VWA8: variants seen among roughly 807,000 people sequenced by gnomAD.
VWA8 encodes von Willebrand factor A domain containing 8.
A neutral mutation model predicts 241.5 loss-of-function variants in VWA8; 221 were observed. The ratio of observed to expected loss-of-function variants is 0.91; its 90% confidence interval spans 0.82 to 1.02. The LOEUF is 1.02. Among genes scored for constraint, VWA8 ranks in the 50% least tolerant of loss-of-function variants. VWA8 has a pLI of 0.00. For synonymous variants in VWA8, 852 were observed against 827.1 expected (o/e 1.03, Z -0.52); for missense variants, 2,322 against 2,328.7 (o/e 1.00, Z 0.06).
At chr13:41,782,471 A>G (rs1868933139) in intron 19 of VWA8, among the ~76,000 whole-genome samples, 1 of 152,178 alleles carries the variant, frequency 6.6e-6, no homozygotes, top group Non-Finnish European at 1.5e-5. Flanking sequence ...TGCCTTTGAC[A>G]GGCAAGTTTT....
In VWA8 at chr13:41,784,713, T is replaced by TATATATATATATAC. The variant is rs1555335075; in HGVS notation, c.2171-813_2171-812insGTATATATATATAT. Among the ~76,000 whole-genome samples, 96 of 70,716 alleles carry TATATATATATATAC rather than the reference T, an allele frequency of 1.4e-3. 1 individual carries two copies. Among genetic ancestry groups the TATATATATATATAC allele is most frequent in the African/African-American group, 4.0e-3 (95 of 23,474 alleles). The allele number at this position is 70,716 out of a possible 152,430, so 46.4% of individuals were successfully genotyped here. On this transcript the variant is annotated intron_variant, in intron 18 of 44. Coordinates refer to ENST00000379310, the MANE Select transcript of VWA8 (RefSeq NM_015058.2). ...ATACATATACATATATATATATATA[T>TATATATATATATAC]ATATATATATATATATACACACACA...
At chr13:41,946,271 T>C (rs1877846272) in intron 2 of VWA8, among the ~76,000 whole-genome samples, 1 of 151,590 alleles carries the variant, frequency 6.6e-6, no homozygotes, top group South Asian at 2.1e-4. Flanking sequence ...AGATACTTAC[T>C]AAAGGGCATC....
chr13:41,710,113 T>C, intron 26 of VWA8, among the ~76,000 whole-genome samples: 1 of 152,208 alleles, frequency 6.6e-6, no homozygotes, highest in Middle Eastern at 3.2e-3. Context: ...ACTGCCAACA[T>C]TTTGACCTAC....
At chr13:41,839,514 T>A (rs1046668858) in intron 12 of VWA8, among the ~76,000 whole-genome samples, 1 of 152,242 alleles carries the variant, frequency 6.6e-6, no homozygotes, top group Non-Finnish European at 1.5e-5. Flanking sequence ...TTTGTCAATT[T>A]TGGCTTTTGT....
chr13:41,729,344 C>T (rs1223862650), intron 23 of VWA8, among the ~76,000 whole-genome samples, 198 bp downstream of exon 23: 5 of 151,908 alleles, frequency 3.3e-5, no homozygotes, highest in Non-Finnish European at 7.4e-5. Context: ...TTCAAAGATG[C>T]TTGGTGGGTA....
chr13:41,864,318 A>G (rs141389503), intron 12 of VWA8, among the ~76,000 whole-genome samples: 40 of 152,324 alleles, frequency 2.6e-4, no homozygotes, highest in African/African-American at 8.7e-4. Context: ...TCCTAGGTAT[A>G]TACCTTAAAA....
At chr13:41,808,372 C>G (rs1481034031) in intron 17 of VWA8, among the ~76,000 whole-genome samples, 2 of 152,090 alleles carry the variant, frequency 1.3e-5, no homozygotes, top group Non-Finnish European at 2.9e-5. Flanking sequence ...ATTTTCTTGT[C>G]TTATGGGGAG....
chr13:41,918,594 T>G (rs887407702), intron 2 of VWA8, among the ~76,000 whole-genome samples: 1 of 152,186 alleles, frequency 6.6e-6, no homozygotes, highest in Non-Finnish European at 1.5e-5. Context: ...TATATTGTTT[T>G]GATTTCTGAA....
At chr13:41,623,312 T>C (rs2044669246) in intron 37 of VWA8, among the ~76,000 whole-genome samples, 1 of 152,222 alleles carries the variant, frequency 6.6e-6, no homozygotes, top group Non-Finnish European at 1.5e-5. Context: ...GAAGAGTCTA[T>C]GCCCCAATGA....
intron 39 of VWA8, 142 bp from the exon 40 acceptor site, chr13:41,605,418 C>A: frequency 1.4e-6 from 1 of 734,050 alleles, no homozygotes; most frequent in South Asian, 1.6e-5. Flanking sequence ...GAAGTGATGT[C>A]TCCAGCTGTG....
intron 43 of VWA8, among the ~76,000 whole-genome samples, 185 bp from the exon 44 acceptor site, chr13:41,570,891 T>C (rs1253834238): frequency 1.3e-5 from 2 of 152,246 alleles, no homozygotes; most frequent in Admixed American, 6.5e-5. Flanking sequence ...ATATTTGTTA[T>C]CTGGCATAGA....
At chr13:41,956,036 T>C (rs182021236) in intron 1 of VWA8, among the ~76,000 whole-genome samples, 1 of 152,382 alleles carries the variant, frequency 6.6e-6, no homozygotes, top group East Asian at 1.9e-4. Flanking sequence ...TGTGCTTAAA[T>C]TCTGTTAAGT....
chr13:41,912,319 A>T, intron 2 of VWA8, 151 bp from the exon 3 acceptor site: 1 of 552,154 alleles, frequency 1.8e-6, no homozygotes, highest in Non-Finnish European at 2.6e-6. Flanking sequence ...ATAAATATAT[A>T]TAAACATATG....
intron 2 of VWA8, among the ~76,000 whole-genome samples, chr13:41,932,442 C>T (rs1164019099): frequency 3.3e-5 from 5 of 151,964 alleles, no homozygotes; most frequent in Non-Finnish European, 7.4e-5. Context: ...GGAAATTATT[C>T]CCAATTCATT....
At chr13:41,715,828 A>G (rs1213646419) in intron 26 of VWA8, among the ~76,000 whole-genome samples, 1 of 152,044 alleles carries the variant, frequency 6.6e-6, no homozygotes, top group Non-Finnish European at 1.5e-5. Context: ...CAACACACAC[A>G]TATAGCATCA....
chr13:41,707,443 AC>A (rs2045289765), intron 26 of VWA8, among the ~76,000 whole-genome samples: 1 of 152,212 alleles, frequency 6.6e-6, no homozygotes, highest in African/African-American at 2.4e-5. Context: ...TTTCCTTACC[AC>A]AAGAACTACT....
chr13:41,805,456 C>T (rs930412011), intron 17 of VWA8, among the ~76,000 whole-genome samples: 2 of 152,074 alleles, frequency 1.3e-5, no homozygotes, highest in Non-Finnish European at 1.5e-5. Flanking sequence ...AGATAAACCC[C>T]AATACAATAA....
At chr13:41,930,821 A>G (rs947959353) in intron 2 of VWA8, among the ~76,000 whole-genome samples, 1 of 152,220 alleles carries the variant, frequency 6.6e-6, no homozygotes, top group Admixed American at 6.5e-5. Context: ...TCTGGTCCCA[A>G]GCATTTCAGA....
rs948173433 is a variant in VWA8 at position 41,907,544 on chromosome 13, C to T, written c.483+42G>A. ...ACTTTAAAAATCAATCTTGTATAGA[C>T]CTGGAGTACACAGTCATGGGCTAGA... On this transcript the variant is annotated intron_variant, in intron 4 of 44. Transcript: ENST00000379310. The T allele has an allele frequency of 1.9e-5, 30 of 1,550,132 alleles. No homozygotes were observed. In the African/African-American group the frequency reaches 2.9e-4, roughly 15 times the overall value.
Sources: gnomAD v4.1 joint callset for allele counts (sites outside exome capture counted in the v4.1 genomes callset) on GRCh38, gnomAD v4.1.1 for gene constraint, MANE v1.5 for transcripts, NCBI Gene and HGNC (gene_info 2026-07-23, HGNC 2026-07-21) for gene names.